The following AGMO variants were observed in gnomAD, a reference collection of about 807,000 sequenced individuals.
AGMO encodes glyceryl-ether monooxygenase.
In AGMO, 75 loss-of-function variants were observed where a neutral mutation model predicts 60.2. The ratio of observed to expected loss-of-function variants is 1.25; its 90% CI spans 1.03 to 1.51. The LOEUF is 1.51. Among genes scored for constraint, AGMO ranks in the 40% most tolerant of loss-of-function variants. The pLI, the probability that AGMO is intolerant of heterozygous loss-of-function variation, is 0.00. For synonymous variants in AGMO, 261 were observed against 177.1 expected (o/e 1.47, Z -3.76); for missense variants, 763 against 525.5 (o/e 1.45, Z -4.42).
chr7:15,353,458 G>A (rs776814328), intron 12 of AGMO, among the ~76,000 whole-genome samples: 13 of 152,086 alleles, frequency 8.5e-5, no homozygotes, highest in Non-Finnish European at 1.8e-4. Context: ...TTTGCTCTTA[G>A]TTGATCTACT....
At chr7:15,366,100 T>G (rs1230103678) in intron 11 of AGMO, 40 bp downstream of exon 11, 5 of 1,483,420 alleles carry the variant, frequency 3.4e-6, no homozygotes, top group African/African-American at 1.4e-5. Context: ...ATTCTTGAAT[T>G]GAGTAAAAGT....
At chr7:15,498,720 G>T (rs1478880169) in intron 3 of AGMO, among the ~76,000 whole-genome samples, 4 of 151,860 alleles carry the variant, frequency 2.6e-5, no homozygotes, top group Non-Finnish European at 4.4e-5. Flanking sequence ...TTTACTACAA[G>T]TGTCTAATTT....
At chr7:15,190,126 T>TGCAGCAAACAGCTG in the AGMO span, among the ~76,000 whole-genome samples, 1 of 1,412 alleles carries the variant, frequency 7.1e-4, no homozygotes, top group African/African-American at 2.5e-3. Flanking sequence ...TATATATATA[T>TGCAGCAAACAGCTG]TTATATATAT....
At chr7:15,248,214 A>ATATATATG (rs1554401264) in intron 12 of AGMO, among the ~76,000 whole-genome samples, 914 of 71,118 alleles carry the variant, frequency 0.013, 70 homozygotes, top group Admixed American at 0.025. Context: ...ATATATATAT[A>ATATATATG]TATATATATA....
intron 12 of AGMO, among the ~76,000 whole-genome samples, chr7:15,274,337 A>C (rs1783714031): frequency 6.6e-6 from 1 of 152,136 alleles, no homozygotes; most frequent in South Asian, 2.1e-4. Flanking sequence ...AGGGCTGTTG[A>C]ATGTTGTCAA....
chr7:15,543,004 C>A (rs1784673611), intron 3 of AGMO, among the ~76,000 whole-genome samples: 1 of 152,156 alleles, frequency 6.6e-6, no homozygotes, highest in African/African-American at 2.4e-5. Context: ...CCATGCTACT[C>A]CTATTTCCTT....
chr7:15,445,944 G>A (rs6958449), intron 3 of AGMO, among the ~76,000 whole-genome samples: 54,527 of 151,904 alleles, frequency 0.36, 11,113 homozygotes, highest in Non-Finnish European at 0.48. Context: ...AAAAAAAATC[G>A]TAATTGAAAA....
intron 3 of AGMO, among the ~76,000 whole-genome samples, chr7:15,524,942 A>G (rs1201369057): frequency 6.6e-6 from 1 of 151,978 alleles, no homozygotes; most frequent in African/African-American, 2.4e-5. Flanking sequence ...ATAGAATTAT[A>G]TGTATGTAAA....
the AGMO span, among the ~76,000 whole-genome samples, chr7:15,124,706 G>C: frequency 6.6e-6 from 1 of 151,996 alleles, no homozygotes; most frequent in Non-Finnish European, 1.5e-5. Flanking sequence ...TTCAACATTG[G>C]AGTGTTTACC....
chr7:15,495,935 T>A (rs1041817013), intron 3 of AGMO, among the ~76,000 whole-genome samples: 1 of 151,922 alleles, frequency 6.6e-6, no homozygotes, highest in African/African-American at 2.4e-5. Context: ...ACAAAATTCA[T>A]TGTGAGAGTC....
rs776692576 is a variant in AGMO at position 15,387,574 on chromosome 7, A to C, written c.823-34T>G. 2.8e-5 allele frequency: 43 copies of C among 1,557,688 alleles called. No individual in the cohort carries two copies. The South Asian group carries it at 3.9e-4, about 14-fold the overall frequency. On this transcript the variant is annotated intron_variant, in intron 8 of 12. Coordinates refer to ENST00000342526, the MANE Select transcript of AGMO (RefSeq NM_001004320.2). ...AATAAAAAAAGAGCTTATTTCACATAAGATAAATAGGAAAGATTAAATACC... is the reference window on the plus strand; with the variant it reads ...AATAAAAAAAGAGCTTATTTCACATCAGATAAATAGGAAAGATTAAATACC...
chr7:15,277,740 T>C (rs1783843252), intron 12 of AGMO, among the ~76,000 whole-genome samples: 1 of 152,180 alleles, frequency 6.6e-6, no homozygotes. Flanking sequence ...ATGTACTTGA[T>C]CTTTGTTTAC....
intron 12 of AGMO, among the ~76,000 whole-genome samples, chr7:15,204,512 A>G (rs1459012440): frequency 6.6e-6 from 1 of 152,194 alleles, no homozygotes; most frequent in Non-Finnish European, 1.5e-5. Flanking sequence ...TTCCGGATAC[A>G]TACAAACTCA....
At chr7:15,552,210 A>G (rs1029322712) in intron 2 of AGMO, among the ~76,000 whole-genome samples, 7 of 152,216 alleles carry the variant, frequency 4.6e-5, no homozygotes, top group Non-Finnish European at 8.8e-5. Context: ...CTAAAACCAT[A>G]AAAACCCTAG....
chr7:15,246,044 A>G (rs1782731311), intron 12 of AGMO, among the ~76,000 whole-genome samples: 1 of 151,224 alleles, frequency 6.6e-6, no homozygotes, highest in African/African-American at 2.5e-5. Context: ...TACATCACTG[A>G]AGGCTTAAAA....
chr7:15,332,890 G>C (rs1394910906), intron 12 of AGMO, among the ~76,000 whole-genome samples: 1 of 151,916 alleles, frequency 6.6e-6, no homozygotes, highest in Non-Finnish European at 1.5e-5. Context: ...AATAATATCA[G>C]TATATTGCAT....
intron 5 of AGMO, among the ~76,000 whole-genome samples, chr7:15,398,715 A>C (rs549687523): frequency 2.0e-5 from 3 of 152,076 alleles, no homozygotes; most frequent in Non-Finnish European, 4.4e-5. Context: ...GTTTGTATTA[A>C]TTTTTTAGAC....
At chr7:15,155,484 CCAGA>C in the AGMO span, among the ~76,000 whole-genome samples, 6 of 108,450 alleles carry the variant, frequency 5.5e-5, no homozygotes, top group African/African-American at 7.3e-5. Flanking sequence ...TTTTTCACTT[CCAGA>C]CATTCAGTTT....
In AGMO at chr7:15,419,874, G is replaced by A. The variant is rs138314268; in HGVS notation, c.514-1221C>T. On this transcript the variant is annotated intron_variant, in intron 4 of 12. Coordinates refer to ENST00000342526, the MANE Select transcript of AGMO (RefSeq NM_001004320.2). ...GGAGGGGAAAACCATTTAAAACATA[G>A]TCATCCTTTTTGTTCCAAAAGATCT... 4.9e-3 allele frequency among the ~76,000 whole-genome samples: 747 copies of A among 152,010 alleles called. 1 individual carries two copies. The highest frequency in any genetic ancestry group is 0.01 in the Middle Eastern group (3 of 294).
Sources: gnomAD v4.1 joint callset for allele counts (sites outside exome capture counted in the v4.1 genomes callset) on GRCh38, gnomAD v4.1.1 for gene constraint, MANE v1.5 for transcripts, NCBI Gene and HGNC (gene_info 2026-07-23, HGNC 2026-07-21) for gene names.